The following TRIM7 variants were observed in gnomAD, a reference collection of about 807,000 sequenced individuals.
The protein encoded by TRIM7 is tripartite motif containing 7.
Under a neutral mutation model 37.9 loss-of-function variants are expected in TRIM7, and 32 were observed. That is an observed-to-expected ratio of 0.84 (90% CI 0.64 to 1.13). The LOEUF (loss-of-function observed/expected upper bound fraction) is 1.13, where lower values mean the gene tolerates loss of function less well. Ranked by LOEUF, TRIM7 falls within the 50% of genes most tolerant of loss-of-function variation. The probability of loss-of-function intolerance (pLI) is 0.00; values close to 1 mark genes in which losing one functional copy is unlikely to be tolerated. For missense variants in TRIM7, 732 were observed against 714.0 expected (o/e 1.03, Z -0.29); for synonymous variants, 351 against 321.3 (o/e 1.09, Z -0.99).
In TRIM7 at chr5:181,195,496, C is replaced by T. The variant is rs375052199; in HGVS notation, c.1206G>A (p.Glu402=). The change falls in exon 7 of 7, where the codon GAG becomes GAA. Residue 402 remains glutamate (E), a synonymous_variant. Transcript: ENST00000274773. The part of the protein sequence containing the change: ...FSSGRHHWEV[E]VGSKDGWAFG... ...AGGCCCAGCCGTCCTTAGAGCCCAC[C>T]TCCACCTCCCAGTGATGCCGGCCCG... The T allele has an allele frequency of 1.7e-5, 27 of 1,612,608 alleles. No individual in the cohort carries two copies. Among genetic ancestry groups the T allele is most frequent in the African/African-American group, 2.7e-5 (2 of 74,930 alleles).
rs1483545738 is a variant in TRIM7, at chr5:181,204,599, T to C, written c.512A>G (p.Gln171Arg). 2.8e-6 allele frequency: 4 copies of C among 1,439,886 alleles called. No individual in the cohort carries two copies. The highest frequency in any genetic ancestry group is 3.6e-6 in the Non-Finnish European group (4 of 1,106,666). The allele number at this position is 1,439,886 out of a possible 1,614,324, so 89.2% of individuals were successfully genotyped here. A position where few individuals can be genotyped will look rare whatever the true frequency, so the allele number is the denominator to read the frequency against. The change falls in exon 1 of 7, where the codon CAG becomes CGG. Residue 171 changes from glutamine (Q) to arginine (R), a missense_variant. Gln to Arg is a conservative substitution (Grantham distance 43). Coordinates refer to ENST00000274773, the MANE Select transcript of TRIM7 (RefSeq NM_203293.3). Reference sequence around the variant, plus strand: ...GGGGGCTGCGCTCACCTTGGCCTCCTGCACCGCCTCGTCCAGCGGCAGCAC... The same window carrying C: ...GGGGGCTGCGCTCACCTTGGCCTCCCGCACCGCCTCGTCCAGCGGCAGCAC... ...HAVLPLDEAV[Q>R]EAKELLESRL... is the part of the protein sequence containing the mutation.
intron 1 of TRIM7, 32 bp downstream of exon 1, chr5:181,204,557 G>T: frequency 1.5e-6 from 2 of 1,344,672 alleles, no homozygotes; most frequent in Non-Finnish European, 1.9e-6. Context: ...GGGGTCCCGG[G>T]GACCCACGGG....
Position 181,204,927 on chromosome 5 carries a change from C to G in TRIM7, c.184G>C (p.Ala62Pro). The G allele has an allele frequency of 7.1e-7, 1 of 1,405,038 alleles. No homozygotes were observed. Among genetic ancestry groups the G allele is most frequent in the Non-Finnish European group, 9.2e-7 (1 of 1,090,234 alleles). The allele number at this position is 1,405,038 out of a possible 1,614,324, so 87.0% of individuals were successfully genotyped here. The change falls in exon 1 of 7, where the codon GCG becomes CCG. Residue 62 changes from alanine to proline, a missense_variant. Ala to Pro is a conservative substitution (Grantham distance 27, BLOSUM62 -1). Coordinates refer to ENST00000274773, the MANE Select transcript of TRIM7 (RefSeq NM_203293.3). ...CGGGTGGCGGCCCCAACAGACCCCG[C>G]GCCCGGGCGCTCCCAGCAGCGCCCT... is the stretch of plus-strand genomic sequence containing the variant. The part of the protein sequence containing the change: ...CIGRCWERPG[A>P]GSVGAATRAP...
chr5:181,195,376 G>A lies in TRIM7; in HGVS notation c.1326C>T (p.Tyr442=). 1 of 1,580,648 alleles carries A rather than the reference G, an allele frequency of 6.3e-7. No individual in the cohort carries two copies. The highest frequency in any genetic ancestry group is 1.1e-5 in the South Asian group (1 of 88,112). ...ACCGCTCGGGGCTGGTCACGGCCCA[G>A]TACTGGCCGCCGTTGAGCTGCAGGG... ...VWALQLNGGQ[Y]WAVTSPERSP... is the part of the protein sequence containing the mutation. The change falls in exon 7 of 7, where the codon TAC becomes TAT. Residue 442 remains tyrosine, a synonymous_variant. Transcript: ENST00000274773.
In TRIM7 at chr5:181,204,616, C is replaced by T; in HGVS notation, c.495G>A (p.Pro165=). The T allele has an allele frequency of 6.8e-7, 1 of 1,463,854 alleles. No individual in the cohort carries two copies. The highest frequency in any genetic ancestry group is 8.9e-7 in the Non-Finnish European group (1 of 1,120,806). The allele number at this position is 1,463,854 out of a possible 1,614,324, so 90.7% of individuals were successfully genotyped here. A position where few individuals can be genotyped will look rare whatever the true frequency, so the allele number is the denominator to read the frequency against. Residue 165 remains proline, a synonymous_variant, in exon 1 of 7, where the codon CCG becomes CCA. Transcript: ENST00000274773. ...AREHREHAVL[P]LDEAVQEAKE... is the part of the protein sequence containing the mutation. ...TGGCCTCCTGCACCGCCTCGTCCAG[C>T]GGCAGCACGGCGTGCTCGCGGTGCT...
chr5:181,199,062 TAGAG>T (rs745913764), intron 4 of TRIM7, 29 bp downstream of exon 4: 154 of 1,613,900 alleles, frequency 9.5e-5, no homozygotes, highest in East Asian at 6.0e-4. Context: ...AGAAGCAACT[TAGAG>T]AGGCCCCAGG....
At chr5:181,203,227 C>T in intron 2 of TRIM7, 1 of 1,127,220 alleles carries the variant, frequency 8.9e-7, no homozygotes. Context: ...TAATGTGTTC[C>T]ATTACAAGAT....
At chr5:181,204,387 G>A (rs390485) in intron 1 of TRIM7, 248,558 of 1,194,232 alleles carry the variant, frequency 0.21, 27,122 homozygotes, top group East Asian at 0.42. Context: ...GGGGTGGGGT[G>A]GGGGTATTGG....
At chr5:181,198,857 A>G (rs1216232214) in intron 4 of TRIM7, 52 bp from the exon 5 acceptor site, 10 of 1,415,364 alleles carry the variant, frequency 7.1e-6, no homozygotes, top group Non-Finnish European at 8.9e-6. Flanking sequence ...TTGCTCCCAC[A>G]GGCTGTGACA....
Position 181,195,105 on chromosome 5 carries a change from TG to T in TRIM7, c.*60del. 1 of 1,539,660 alleles carries T rather than the reference TG, an allele frequency of 6.5e-7. No individual in the cohort carries two copies. Among genetic ancestry groups the T allele is most frequent in the Non-Finnish European group, 8.8e-7 (1 of 1,139,094 alleles). On this transcript the variant is annotated 3_prime_UTR_variant, in exon 7 of 7. Coordinates refer to ENST00000274773, the MANE Select transcript of TRIM7 (RefSeq NM_203293.3). ...AGACCCAAGACGGACCAGGCATCTCTGGGGAGGCGACATCCCCTCCCACCGG... is the reference window on the plus strand; with the variant it reads ...AGACCCAAGACGGACCAGGCATCTCTGGGAGGCGACATCCCCTCCCACCGG...
intron 4 of TRIM7, 24 bp from the exon 5 acceptor site, chr5:181,198,829 G>T (rs753192840): frequency 4.2e-5 from 65 of 1,562,362 alleles, no homozygotes; most frequent in Non-Finnish European, 5.4e-5. Flanking sequence ...GCTCTGAGAA[G>T]GGCCTGTGTG....
rs1757748678 is a variant in TRIM7, at chr5:181,205,137, G to T, written c.-27C>A. 7.8e-7 allele frequency: 1 copy of T among 1,287,696 alleles called. No homozygotes were observed. Among genetic ancestry groups the T allele is most frequent in the South Asian group, 2.3e-5 (1 of 42,762 alleles). 79.8% of individuals were successfully genotyped at this position (1,287,696 alleles called of 1,614,324 possible). A position where few individuals can be genotyped will look rare whatever the true frequency, so the allele number is the denominator to read the frequency against. ...CGCGCTCTCCGCGCACCCAGATCTG[G>T]TCGCGCCTGGGCGGCCACTGGACCT... On this transcript the variant is annotated 5_prime_UTR_variant, in exon 1 of 7. Coordinates refer to ENST00000274773, the MANE Select transcript of TRIM7 (RefSeq NM_203293.3).
At position 181,195,680 on chromosome 5, in the gene TRIM7, G is replaced by GGA; in HGVS notation, c.1025-4_1025-3insTC. 6.6e-7 allele frequency: 1 copy of GGA among 1,516,896 alleles called. No homozygotes were observed. The highest frequency in any genetic ancestry group is 8.8e-7 in the Non-Finnish European group (1 of 1,130,336). The allele number at this position is 1,516,896 out of a possible 1,614,324, so 94.0% of individuals were successfully genotyped here. On this transcript the variant is annotated splice_polypyrimidine_tract_variant and splice_region_variant and intron_variant, in intron 6 of 6. Transcript: ENST00000274773. ...GTCGGGATCCAAGGTGAGCTCCACT[G>GGA]CAGACAGAGACAGGGAGAAATGTCC...
At chr5:181,197,947 G>C (rs1419310602) in intron 6 of TRIM7, 6 of 565,288 alleles carry the variant, frequency 1.1e-5, no homozygotes, top group Non-Finnish European at 1.9e-5. Flanking sequence ...AGTATCTCGA[G>C]GTACAGGGCA....
Position 181,205,182 on chromosome 5 carries a change from C to G in TRIM7, c.-72G>C. ...GGACCTCACAGGACGCGGAGCTGGG[C>G]GCCGAGGGCCCACTGGGAGAGGAAG... On this transcript the variant is annotated 5_prime_UTR_variant, in exon 1 of 7. Coordinates refer to ENST00000274773, the MANE Select transcript of TRIM7 (RefSeq NM_203293.3). 8.0e-7 allele frequency: 1 copy of G among 1,257,668 alleles called. No homozygotes were observed. Among genetic ancestry groups the G allele is most frequent in the East Asian group, 3.2e-5 (1 of 31,622 alleles). The allele number at this position is 1,257,668 out of a possible 1,614,324, so 77.9% of individuals were successfully genotyped here. A position where few individuals can be genotyped will look rare whatever the true frequency, so the allele number is the denominator to read the frequency against.
At chr5:181,199,311 G>A in intron 3 of TRIM7, 194 bp from the exon 4 acceptor site, 1 of 637,216 alleles carries the variant, frequency 1.6e-6, no homozygotes, top group South Asian at 1.9e-5. Context: ...CCACGCAGTG[G>A]ACCTCTCACC....
intron 6 of TRIM7, chr5:181,197,071 G>A (rs1757170733): frequency 1.3e-5 from 2 of 151,914 alleles, no homozygotes; most frequent in African/African-American, 2.4e-5. Flanking sequence ...CCAGGAGAGA[G>A]GATCGCTTGA....
intron 1 of TRIM7, 35 bp downstream of exon 1, chr5:181,204,554 C>G: frequency 1.5e-6 from 2 of 1,340,204 alleles, no homozygotes; most frequent in Non-Finnish European, 1.9e-6. Flanking sequence ...CAGGGGGTCC[C>G]GGGGACCCAC....
At chr5:181,199,532 T>C (rs1757344519) in intron 3 of TRIM7, 1 of 474,698 alleles carries the variant, frequency 2.1e-6, no homozygotes, top group African/African-American at 1.9e-5. Flanking sequence ...TCTAGTTGTT[T>C]ATAACTTTTT....
Sources: gnomAD v4.1 joint callset for allele counts on GRCh38, gnomAD v4.1.1 for gene constraint, MANE v1.5 for transcripts, NCBI Gene and HGNC (gene_info 2026-07-23, HGNC 2026-07-21) for gene names.